Variants in LOC400499 observed in about 807,000 individuals in gnomAD.
At chr16:11,462,146 T>C in the LOC400499 span, 1 of 1,524,576 alleles carries the variant, frequency 6.6e-7, no homozygotes, top group Non-Finnish European at 8.8e-7. Flanking sequence ...ACTCAGCAGA[T>C]GGCTCAGCGA....
At chr16:11,523,218 T>C in the LOC400499 span, among the ~76,000 whole-genome samples, 1 of 152,190 alleles carries the variant, frequency 6.6e-6, no homozygotes, top group African/African-American at 2.4e-5. Flanking sequence ...ACTCTGAGCT[T>C]GCTATTCATT....
the LOC400499 span, among the ~76,000 whole-genome samples, chr16:11,433,688 A>C: frequency 6.6e-6 from 1 of 152,140 alleles, no homozygotes; most frequent in African/African-American, 2.4e-5. Context: ...CCATCCTCTG[A>C]GAAGGGGAGA....
chr16:11,469,613 C>T, the LOC400499 span: 8 of 398,968 alleles, frequency 2.0e-5, no homozygotes, highest in African/African-American at 1.2e-4. Context: ...ACTTCTGACC[C>T]GGGCGTGCCC....
the LOC400499 span, chr16:11,396,697 G>T: frequency 1.1e-5 from 13 of 1,231,884 alleles, no homozygotes; most frequent in Non-Finnish European, 1.3e-5. Context: ...GAGTCTAGGT[G>T]TCAGGCAGGC....
At chr16:11,446,129 G>A in the LOC400499 span, among the ~76,000 whole-genome samples, 1 of 151,250 alleles carries the variant, frequency 6.6e-6, no homozygotes, top group Non-Finnish European at 1.5e-5. Context: ...CTGGCCAGGA[G>A]AACTTTTTTG....
chr16:11,430,001 C>T, the LOC400499 span, among the ~76,000 whole-genome samples: 1 of 152,038 alleles, frequency 6.6e-6, no homozygotes, highest in Non-Finnish European at 1.5e-5. Flanking sequence ...ACCTGGCAAC[C>T]CTACCTTAAT....
At chr16:11,395,553 C>A in the LOC400499 span, among the ~76,000 whole-genome samples, 99 of 152,310 alleles carry the variant, frequency 6.5e-4, no homozygotes, top group Middle Eastern at 6.8e-3. Context: ...GCCACGGCTG[C>A]TGAACTCTCA....
the LOC400499 span, among the ~76,000 whole-genome samples, chr16:11,485,936 C>A: frequency 6.6e-6 from 1 of 152,060 alleles, no homozygotes; most frequent in Non-Finnish European, 1.5e-5. Context: ...GATGGACACA[C>A]AGATGGACAG....
the LOC400499 span, chr16:11,460,549 GCCAC>G: frequency 1.3e-6 from 2 of 1,535,666 alleles, no homozygotes; most frequent in South Asian, 1.2e-5. Flanking sequence ...CACCGTCTGA[GCCAC>G]TGTCTGCCCG....
chr16:11,405,847 T>C, the LOC400499 span, among the ~76,000 whole-genome samples: 1 of 152,144 alleles, frequency 6.6e-6, no homozygotes, highest in Non-Finnish European at 1.5e-5. Flanking sequence ...TAGAACACAA[T>C]GCAAACGCCT....
chr16:11,392,359 C>T, the LOC400499 span: 1 of 398,844 alleles, frequency 2.5e-6, no homozygotes, highest in Admixed American at 4.4e-5. Context: ...CGCGCGCGGC[C>T]AGCAGGAGAC....
chr16:11,440,398 T>A, the LOC400499 span, among the ~76,000 whole-genome samples: 1 of 152,178 alleles, frequency 6.6e-6, no homozygotes, highest in Non-Finnish European at 1.5e-5. Context: ...GCCTCCTACA[T>A]AATTCTCCAC....
chr16:11,421,783 G>A, the LOC400499 span, among the ~76,000 whole-genome samples: 5 of 152,200 alleles, frequency 3.3e-5, no homozygotes, highest in Non-Finnish European at 5.9e-5. Context: ...GGAGGGGATG[G>A]GAGGGACTAC....
chr16:11,457,097 A>C, the LOC400499 span: 12 of 1,452,080 alleles, frequency 8.3e-6, no homozygotes, highest in Non-Finnish European at 1.1e-5. Context: ...CTGGCGTAGA[A>C]TGTGCCCGGG....
At chr16:11,446,545 C>A in the LOC400499 span, 1 of 1,536,016 alleles carries the variant, frequency 6.5e-7, no homozygotes, top group South Asian at 1.2e-5. Flanking sequence ...GGTCTCTGCT[C>A]TTACCGTGTG....
At chr16:11,415,264 A>G in the LOC400499 span, among the ~76,000 whole-genome samples, 1 of 152,202 alleles carries the variant, frequency 6.6e-6, no homozygotes, top group Non-Finnish European at 1.5e-5. Context: ...AGAGAAACTC[A>G]TCGGGTCCAG....
the LOC400499 span, among the ~76,000 whole-genome samples, chr16:11,482,603 G>A: frequency 2.6e-5 from 4 of 152,116 alleles, no homozygotes; most frequent in African/African-American, 9.7e-5. Context: ...TGAAGAACTT[G>A]TTTCTGGTCA....
At chr16:11,425,174 T>C in the LOC400499 span, 1 of 399,028 alleles carries the variant, frequency 2.5e-6, no homozygotes, top group Non-Finnish European at 4.4e-6. Flanking sequence ...CCGCAAGCTG[T>C]CCGTGCCGGG....
At chr16:11,399,576 T>A in the LOC400499 span, 1 of 398,758 alleles carries the variant, frequency 2.5e-6, no homozygotes. Context: ...GCCTGGAGGC[T>A]GTTCAGGCCC....
Sources: gnomAD v4.1 joint callset for allele counts (sites outside exome capture counted in the v4.1 genomes callset) on GRCh38, gnomAD v4.1.1 for gene constraint, MANE v1.5 for transcripts.